Variants in EEIG2 observed in about 807,000 individuals in gnomAD.
EEIG2 encodes the protein family with sequence similarity 102 member B.
chr1:108,576,401 T>G, the EEIG2 span, among the ~76,000 whole-genome samples: 1 of 144,876 alleles, frequency 6.9e-6, no homozygotes, highest in Non-Finnish European at 1.5e-5. Flanking sequence ...ACCCACTAAC[T>G]CGTCATCTAG....
the EEIG2 span, among the ~76,000 whole-genome samples, chr1:108,603,025 A>G: frequency 6.6e-6 from 1 of 152,174 alleles, no homozygotes; most frequent in Non-Finnish European, 1.5e-5. Flanking sequence ...AATACTTCTG[A>G]TATTAATGGA....
chr1:108,565,985 C>A, the EEIG2 span, among the ~76,000 whole-genome samples: 2 of 152,054 alleles, frequency 1.3e-5, no homozygotes, highest in Non-Finnish European at 2.9e-5. Context: ...AATTAGGAGC[C>A]TTTATTGATC....
chr1:108,579,907 G>A, the EEIG2 span, among the ~76,000 whole-genome samples: 1 of 152,018 alleles, frequency 6.6e-6, no homozygotes, highest in Non-Finnish European at 1.5e-5. Flanking sequence ...TGAGACTACA[G>A]GTGGATGCCA....
chr1:108,614,656 C>G, the EEIG2 span, among the ~76,000 whole-genome samples: 1 of 152,172 alleles, frequency 6.6e-6, no homozygotes, highest in Non-Finnish European at 1.5e-5. Flanking sequence ...AGTCCTTCCT[C>G]TTGGCTTCTG....
At chr1:108,586,610 A>T in the EEIG2 span, among the ~76,000 whole-genome samples, 1 of 152,086 alleles carries the variant, frequency 6.6e-6, no homozygotes, top group Non-Finnish European at 1.5e-5. Context: ...GACATTTGGG[A>T]GGGCATCCTA....
the EEIG2 span, among the ~76,000 whole-genome samples, chr1:108,588,040 C>T: frequency 1.1e-4 from 17 of 152,012 alleles, no homozygotes; most frequent in Non-Finnish European, 2.5e-4. Flanking sequence ...GCAGGATTTC[C>T]TTCTTTTTTA....
chr1:108,589,305 A>ATT, the EEIG2 span, among the ~76,000 whole-genome samples: 1 of 152,134 alleles, frequency 6.6e-6, no homozygotes, highest in African/African-American at 2.4e-5. Flanking sequence ...CTTACATGTT[A>ATT]AAATGAAATC....
chr1:108,613,311 G>A, the EEIG2 span, among the ~76,000 whole-genome samples: 1 of 152,200 alleles, frequency 6.6e-6, no homozygotes. Flanking sequence ...GATGAGGATA[G>A]ATTGTTATTC....
At chr1:108,610,875 A>G in the EEIG2 span, among the ~76,000 whole-genome samples, 1 of 152,120 alleles carries the variant, frequency 6.6e-6, no homozygotes, top group Non-Finnish European at 1.5e-5. Flanking sequence ...CAGAGCTTGC[A>G]GTGAGCCAGA....
At chr1:108,563,082 C>T in the EEIG2 span, among the ~76,000 whole-genome samples, 1 of 152,124 alleles carries the variant, frequency 6.6e-6, no homozygotes, top group Non-Finnish European at 1.5e-5. Context: ...ATAGCAGGCC[C>T]AAGACTGCTA....
chr1:108,596,928 C>T, the EEIG2 span, among the ~76,000 whole-genome samples: 1 of 151,996 alleles, frequency 6.6e-6, no homozygotes, highest in East Asian at 1.9e-4. Context: ...ACAGGGTCTC[C>T]TTTGTTGCCC....
chr1:108,593,935 A>G, the EEIG2 span, among the ~76,000 whole-genome samples: 34 of 152,078 alleles, frequency 2.2e-4, no homozygotes, highest in Non-Finnish European at 4.3e-4. Context: ...CTGCCCGAGA[A>G]GCTGGGACCA....
chr1:108,612,115 TAAG>T, the EEIG2 span: 1 of 1,155,944 alleles, frequency 8.7e-7, no homozygotes, highest in Admixed American at 2.5e-5. Flanking sequence ...ATATTTATTT[TAAG>T]GAGCATATGA....
At chr1:108,622,421 G>A in the EEIG2 span, among the ~76,000 whole-genome samples, 1 of 152,194 alleles carries the variant, frequency 6.6e-6, no homozygotes, top group South Asian at 2.1e-4. Context: ...GTAATTAGTG[G>A]AGATGGAGAA....
chr1:108,614,479 T>C, the EEIG2 span, among the ~76,000 whole-genome samples: 4 of 152,266 alleles, frequency 2.6e-5, no homozygotes, highest in Admixed American at 6.5e-5. Context: ...TCCCAACACA[T>C]TATTCTTGCT....
At chr1:108,569,085 G>T in the EEIG2 span, among the ~76,000 whole-genome samples, 1 of 152,176 alleles carries the variant, frequency 6.6e-6, no homozygotes, top group South Asian at 2.1e-4. Flanking sequence ...TTGAAAAATT[G>T]TGCCATAAAG....
the EEIG2 span, among the ~76,000 whole-genome samples, chr1:108,633,760 C>T: frequency 6.6e-6 from 1 of 152,150 alleles, no homozygotes; most frequent in African/African-American, 2.4e-5. Flanking sequence ...CTTTTTGGAT[C>T]TATGGGTTTA....
chr1:108,627,307 T>C, the EEIG2 span: 2 of 152,256 alleles, frequency 1.3e-5, no homozygotes, highest in African/African-American at 4.8e-5. Flanking sequence ...TTTCCTTGTT[T>C]TGCAGCATTT....
the EEIG2 span, chr1:108,634,965 A>G: frequency 1.4e-6 from 1 of 690,444 alleles, no homozygotes; most frequent in Non-Finnish European, 2.5e-6. Context: ...CATAGTTTCT[A>G]TCCGTGATGC....
Sources: gnomAD v4.1 joint callset for allele counts (sites outside exome capture counted in the v4.1 genomes callset) on GRCh38, gnomAD v4.1.1 for gene constraint, MANE v1.5 for transcripts, NCBI Gene and HGNC (gene_info 2026-07-23, HGNC 2026-07-21) for gene names.